The following PRDM16 variants were observed in gnomAD, a reference collection of about 807,000 sequenced individuals.
The protein encoded by PRDM16 is PR/SET domain 16, also known as histone-lysine N-methyltransferase PRDM16.
Under a neutral mutation model 110.6 loss-of-function variants are expected in PRDM16, and 23 were observed. That is an observed-to-expected ratio of 0.21 (90% CI 0.15 to 0.29). PRDM16 has a LOEUF of 0.29. Among genes scored for constraint, PRDM16 ranks in the 10% least tolerant of loss-of-function variants. PRDM16 has a pLI of 1.00. For synonymous variants in PRDM16, 799 were observed against 781.8 expected (o/e 1.02, Z -0.37); for missense variants, 1,615 against 1,794.3 (o/e 0.90, Z 1.81).
intron 3 of PRDM16, among the ~76,000 whole-genome samples, chr1:3,269,600 G>C (rs1640382501): frequency 7.1e-6 from 1 of 139,894 alleles, no homozygotes. Flanking sequence ...TCGGGAGGAG[G>C]ACAGTCCCAG....
At chr1:3,085,524 A>G (rs1405336993) in intron 1 of PRDM16, among the ~76,000 whole-genome samples, 1 of 152,194 alleles carries the variant, frequency 6.6e-6, no homozygotes, top group African/African-American at 2.4e-5. Flanking sequence ...ACTTGGACTG[A>G]ATCCTGGCAC....
intron 1 of PRDM16, among the ~76,000 whole-genome samples, chr1:3,152,983 C>T (rs1162838579): frequency 6.6e-6 from 1 of 152,236 alleles, no homozygotes; most frequent in African/African-American, 2.4e-5. Flanking sequence ...TAAAGGGCCC[C>T]TAGTCAGGGA....
intron 2 of PRDM16, among the ~76,000 whole-genome samples, chr1:3,237,222 T>C (rs1042147642): frequency 2.0e-5 from 3 of 151,988 alleles, no homozygotes; most frequent in Admixed American, 6.6e-5. Flanking sequence ...CTCAGCCTGG[T>C]CCTCAAAGGG....
chr1:3,229,389 T>A (rs531364853), intron 2 of PRDM16, among the ~76,000 whole-genome samples: 1 of 152,000 alleles, frequency 6.6e-6, no homozygotes, highest in East Asian at 1.9e-4. Context: ...CTAGGTGGCC[T>A]GGGAAGCACA....
rs1045431403 is a variant in PRDM16, at chr1:3,245,858, G to A, written c.438+1721G>A. On this transcript the variant is annotated intron_variant, in intron 3 of 16. Transcript: ENST00000270722. The surrounding 1 kb of genome is among the most constrained non-coding windows in gnomAD (Gnocchi z 4.7). ...GTTAGTGCGAATCCCTCAAGTTCTC[G>A]AGGGAGCCTGAAATCACTGGGTTTT... Among the ~76,000 whole-genome samples, 1 of 152,112 alleles carries A rather than the reference G, an allele frequency of 6.6e-6. No individual in the cohort carries two copies. The highest frequency in any genetic ancestry group is 1.5e-5 in the Non-Finnish European group (1 of 68,022).
rs1643866005 is a variant in PRDM16, at chr1:3,157,215, C to T, written c.38-28910C>T. 6.6e-6 allele frequency among the ~76,000 whole-genome samples: 1 copy of T among 152,172 alleles called. No individual in the cohort carries two copies. Among genetic ancestry groups the T allele is most frequent in the South Asian group, 2.1e-4 (1 of 4,832 alleles). ...CAACCGCTGAGCCGGCGCAAGAGCTCAGGCCCTCAGGGAGCGTGGCCAGAT... is the reference window on the plus strand; with the variant it reads ...CAACCGCTGAGCCGGCGCAAGAGCTTAGGCCCTCAGGGAGCGTGGCCAGAT... On this transcript the variant is annotated intron_variant, in intron 1 of 16. Transcript: ENST00000270722. The surrounding 1 kb of genome is among the most constrained non-coding windows in gnomAD (Gnocchi z 4.8).
intron 3 of PRDM16, among the ~76,000 whole-genome samples, chr1:3,328,771 C>T (rs145640585): frequency 1.3e-5 from 2 of 152,194 alleles, no homozygotes; most frequent in South Asian, 2.1e-4. Flanking sequence ...GCAGCTCATA[C>T]GCAGAATCTG....
chr1:3,313,970 C>T lies in PRDM16; in HGVS notation c.438+69833C>T, dbSNP rs114064823. ...CATCAGTTGGTTGCAGAGTTTCATTCATCTGAATATGAAATGTAATTAGGG... is the reference window on the plus strand; with the variant it reads ...CATCAGTTGGTTGCAGAGTTTCATTTATCTGAATATGAAATGTAATTAGGG... On this transcript the variant is annotated intron_variant, in intron 3 of 16. Transcript: ENST00000270722. Among the ~76,000 whole-genome samples the T allele has an allele frequency of 9.2e-3, 1,391 of 150,676 alleles. 35 individuals carry two copies. Among genetic ancestry groups the T allele is most frequent in the African/African-American group, 0.033 (1,321 of 40,458 alleles).
intron 10 of PRDM16, among the ~76,000 whole-genome samples, chr1:3,416,475 G>A (rs755455034): frequency 2.0e-5 from 3 of 152,198 alleles, no homozygotes; most frequent in Admixed American, 6.5e-5. Flanking sequence ...GAAGCCCCTT[G>A]ATGACGCAGG....
intron 1 of PRDM16, among the ~76,000 whole-genome samples, chr1:3,114,271 C>T (rs1428749840): frequency 6.8e-6 from 1 of 146,480 alleles, no homozygotes; most frequent in Non-Finnish European, 1.5e-5. Flanking sequence ...CACACGTACA[C>T]ACACGCACAC....
At chr1:3,388,021 G>A (rs796306464) in intron 4 of PRDM16, among the ~76,000 whole-genome samples, 20 of 152,360 alleles carry the variant, frequency 1.3e-4, no homozygotes, top group African/African-American at 4.8e-4. Flanking sequence ...CCACGGGAAC[G>A]TGGGTTCCTG....
rs1365097437 is a variant in PRDM16, at chr1:3,425,810, G to C, written c.3109+60G>C. The C allele has an allele frequency of 6.3e-7, 1 of 1,596,496 alleles. No homozygotes were observed. The highest frequency in any genetic ancestry group is 1.3e-5 in the African/African-American group (1 of 74,588). On this transcript the variant is annotated intron_variant, in intron 13 of 16. Coordinates refer to ENST00000270722, the MANE Select transcript of PRDM16 (RefSeq NM_022114.4). The surrounding 1 kb of genome is among the most constrained non-coding windows in gnomAD (Gnocchi z 6.9). ...CCCACACGGGCAGGCCCCACAGAGG[G>C]GGAGGGGGAACAGCAGGGGAGTGGG...
intron 5 of PRDM16, 106 bp from the exon 6 acceptor site, chr1:3,402,685 C>A: frequency 1.0e-6 from 1 of 965,844 alleles, no homozygotes; most frequent in Non-Finnish European, 1.6e-6. Context: ...AGCCTGGGTG[C>A]AGGCCCTGAG....
intron 1 of PRDM16, among the ~76,000 whole-genome samples, chr1:3,144,490 C>A (rs182511341): frequency 6.6e-6 from 1 of 152,096 alleles, no homozygotes; most frequent in African/African-American, 2.4e-5. Context: ...CCAGGGCTGA[C>A]CCAGCCTCTG....
intron 1 of PRDM16, among the ~76,000 whole-genome samples, chr1:3,167,584 C>T (rs1643974564): frequency 1.4e-5 from 2 of 147,494 alleles, no homozygotes; most frequent in African/African-American, 2.5e-5. Flanking sequence ...GCCATCCTCC[C>T]ACCCCACCCC....
chr1:3,240,714 C>T (rs1424622974), intron 2 of PRDM16, among the ~76,000 whole-genome samples: 1 of 152,196 alleles, frequency 6.6e-6, no homozygotes, highest in Non-Finnish European at 1.5e-5. Context: ...AAGCTGAGCC[C>T]CCCTGGGGCG....
chr1:3,221,717 A>G (rs1639154228), intron 2 of PRDM16, among the ~76,000 whole-genome samples: 1 of 152,214 alleles, frequency 6.6e-6, no homozygotes. Flanking sequence ...ATGTACACGC[A>G]TGCACACACA....
chr1:3,395,087 C>T (rs1249967698), intron 4 of PRDM16, among the ~76,000 whole-genome samples: 8 of 152,236 alleles, frequency 5.3e-5, no homozygotes, highest in Admixed American at 2.6e-4. Flanking sequence ...TGGGCATTAC[C>T]GTCACGCTGT....
chr1:3,299,459 G>T (rs112823246), intron 3 of PRDM16, among the ~76,000 whole-genome samples: 31 of 89,796 alleles, frequency 3.5e-4, no homozygotes, highest in East Asian at 9.4e-4. Flanking sequence ...ACTCTGCCCT[G>T]GTTGAAGATG....
Sources: allele counts gnomAD v4.1 joint callset (sites outside exome capture counted in the v4.1 genomes callset), GRCh38; gene constraint gnomAD v4.1.1; non-coding constraint Gnocchi (gnomAD v3.1); transcripts MANE v1.5; gene names NCBI Gene and HGNC (gene_info 2026-07-23, HGNC 2026-07-21).